Variants in CCDC148 observed in about 807,000 individuals in gnomAD.
CCDC148 encodes coiled-coil domain containing 148.
In CCDC148, 89 loss-of-function variants were observed where a neutral mutation model predicts 85.7. The observed-to-expected ratio is 1.04, with a 90% CI of 0.87 to 1.24. CCDC148 has a LOEUF of 1.24. Ranked by LOEUF, CCDC148 falls within the 50% of genes most tolerant of loss-of-function variation. The probability of loss-of-function intolerance (pLI) is 0.00; values close to 1 mark genes in which losing one functional copy is unlikely to be tolerated. For synonymous variants in CCDC148, 230 were observed against 213.9 expected (o/e 1.08, Z -0.66); for missense variants, 692 against 671.7 (o/e 1.03, Z -0.33).
intron 1 of CCDC148, among the ~76,000 whole-genome samples, chr2:158,449,517 G>A (rs545971424): frequency 1.3e-5 from 2 of 151,304 alleles, no homozygotes; most frequent in East Asian, 2.0e-4. Context: ...GTAGGATCTC[G>A]GCTCACTGCA....
At chr2:158,291,150 G>A (rs141131118) in intron 9 of CCDC148, among the ~76,000 whole-genome samples, 2 of 152,126 alleles carry the variant, frequency 1.3e-5, no homozygotes, top group East Asian at 1.9e-4. Context: ...GATGGGTCTC[G>A]CTATATTGCC....
intron 11 of CCDC148, among the ~76,000 whole-genome samples, chr2:158,189,345 A>G (rs559310749): frequency 9.2e-5 from 14 of 151,998 alleles, no homozygotes; most frequent in African/African-American, 3.4e-4. Flanking sequence ...TAGCAGACAC[A>G]TCTTCTATGT....
chr2:158,264,080 A>C (rs1295537664), intron 9 of CCDC148, among the ~76,000 whole-genome samples: 1 of 151,512 alleles, frequency 6.6e-6, no homozygotes, highest in Non-Finnish European at 1.5e-5. Flanking sequence ...CTTTTTTTTT[A>C]ATGAGAATAA....
intron 2 of CCDC148, 44 bp from the exon 3 acceptor site, chr2:158,345,362 G>C: frequency 2.2e-6 from 3 of 1,363,038 alleles, no homozygotes; most frequent in Non-Finnish European, 3.1e-6. Flanking sequence ...AAAGTTTTCA[G>C]AATGTGTTTT....
chr2:158,456,309 C>T (rs1171122931), intron 1 of CCDC148, 106 bp downstream of exon 1: 2 of 1,147,772 alleles, frequency 1.7e-6, no homozygotes, highest in Admixed American at 2.0e-5. Flanking sequence ...GAAAGATCCA[C>T]CCCAGGGAAG....
chr2:158,280,965 T>A (rs1690258650), intron 9 of CCDC148, among the ~76,000 whole-genome samples: 1 of 152,154 alleles, frequency 6.6e-6, no homozygotes, highest in African/African-American at 2.4e-5. Flanking sequence ...AACTCAGGAT[T>A]AAGGAACTCA....
chr2:158,209,575 T>C (rs1686444215), intron 11 of CCDC148, among the ~76,000 whole-genome samples: 3 of 152,128 alleles, frequency 2.0e-5, no homozygotes, highest in African/African-American at 7.2e-5. Flanking sequence ...AAAGGTTGGG[T>C]TACCCACGAA....
chr2:158,305,126 T>C (rs1691623591), intron 9 of CCDC148, among the ~76,000 whole-genome samples: 1 of 151,898 alleles, frequency 6.6e-6, no homozygotes, highest in Admixed American at 6.6e-5. Flanking sequence ...CAAAGCCCTA[T>C]AGAATGAACA....
intron 10 of CCDC148, among the ~76,000 whole-genome samples, chr2:158,228,336 A>C (rs1254761995): frequency 6.6e-6 from 1 of 152,234 alleles, no homozygotes; most frequent in African/African-American, 2.4e-5. Context: ...ATGGAGAAAT[A>C]GGAACACTTT....
At chr2:158,172,392 A>C (rs1334414053) in intron 13 of CCDC148, 133 bp from the exon 14 acceptor site, 3 of 666,364 alleles carry the variant, frequency 4.5e-6, no homozygotes, top group Non-Finnish European at 7.7e-6. Context: ...CTGTGAATAC[A>C]GTGACTATAT....
At chr2:158,438,661 A>G (rs1481885223) in intron 1 of CCDC148, among the ~76,000 whole-genome samples, 5 of 152,182 alleles carry the variant, frequency 3.3e-5, no homozygotes, top group Non-Finnish European at 7.3e-5. Context: ...TGCACAGCAA[A>G]AGAAACTACC....
At chr2:158,288,168 A>T (rs1269872931) in intron 9 of CCDC148, among the ~76,000 whole-genome samples, 1 of 152,076 alleles carries the variant, frequency 6.6e-6, no homozygotes, top group Non-Finnish European at 1.5e-5. Flanking sequence ...CCATGAATCC[A>T]TGTTTTCCTC....
intron 9 of CCDC148, among the ~76,000 whole-genome samples, chr2:158,276,554 T>TCAAAACAAAACAAAA (rs58603462): frequency 0.014 from 2,067 of 149,962 alleles, 24 homozygotes; most frequent in Middle Eastern, 0.028. Context: ...AGACTCAGTC[T>TCAAAACAAAACAAAA]CAAAACAAAA....
At chr2:158,263,210 T>A (rs1280024925) in intron 9 of CCDC148, among the ~76,000 whole-genome samples, 2 of 152,056 alleles carry the variant, frequency 1.3e-5, no homozygotes, top group Admixed American at 1.3e-4. Flanking sequence ...AATAAGACTC[T>A]ACTTTAGGGC....
chr2:158,431,437 G>T (rs1283793156), intron 1 of CCDC148, among the ~76,000 whole-genome samples: 1 of 150,352 alleles, frequency 6.7e-6, no homozygotes, highest in Non-Finnish European at 1.5e-5. Flanking sequence ...AACTATACAA[G>T]TCAAAAAAAA....
intron 9 of CCDC148, among the ~76,000 whole-genome samples, chr2:158,255,664 CAGA>C (rs1053821578): frequency 5.3e-5 from 8 of 151,662 alleles, no homozygotes; most frequent in African/African-American, 1.9e-4. Context: ...AAGAATAGCA[CAGA>C]AGAACATTTT....
chr2:158,452,428 C>A (rs1688441778), intron 1 of CCDC148, among the ~76,000 whole-genome samples: 1 of 152,134 alleles, frequency 6.6e-6, no homozygotes, highest in African/African-American at 2.4e-5. Context: ...AAATTTATGG[C>A]CTACTCTTAG....
At chr2:158,442,245 G>T (rs1214188691) in intron 1 of CCDC148, among the ~76,000 whole-genome samples, 1 of 152,164 alleles carries the variant, frequency 6.6e-6, no homozygotes, top group Admixed American at 6.5e-5. Context: ...AGAACAGATT[G>T]CTTCCCTCAG....
rs139417467 is a variant in CCDC148 at position 158,381,221 on chromosome 2, T to C, written c.26-22651A>G. ...TTTGCCATATATCTCTTCAAAATAT[T>C]TGAATCCAGAATACATATGTATATA... On this transcript the variant is annotated intron_variant, in intron 1 of 13. Coordinates refer to ENST00000283233, the MANE Select transcript of CCDC148 (RefSeq NM_138803.4). 3.4e-4 allele frequency among the ~76,000 whole-genome samples: 52 copies of C among 152,222 alleles called. No homozygotes were observed. The East Asian group carries it at 7.7e-3, about 23-fold the overall frequency.
Sources: allele counts gnomAD v4.1 joint callset (sites outside exome capture counted in the v4.1 genomes callset), GRCh38; gene constraint gnomAD v4.1.1; transcripts MANE v1.5; gene names NCBI Gene and HGNC (gene_info 2026-07-23, HGNC 2026-07-21).